BICDL1: variants seen among roughly 807,000 people sequenced by gnomAD.
BICDL1 encodes BICD family like cargo adaptor 1, also known as BICD family-like cargo adapter 1.
Under a neutral mutation model 76.8 loss-of-function variants are expected in BICDL1, and 20 were observed. That is an observed-to-expected ratio of 0.26 (90% CI 0.18 to 0.38). The LOEUF is 0.38. Ranked by LOEUF, BICDL1 falls within the 10% of genes least tolerant of loss-of-function variation. The pLI is 1.00. For missense variants in BICDL1, 700 were observed against 798.6 expected (o/e 0.88, Z 1.49); for synonymous variants, 383 against 337.1 (o/e 1.14, Z -1.49).
intron 9 of BICDL1, 182 bp from the exon 10 acceptor site, chr12:120,092,818 C>T (rs905109865): frequency 1.8e-4 from 182 of 985,306 alleles, no homozygotes; most frequent in Non-Finnish European, 2.1e-4. Flanking sequence ...CATACGGCTC[C>T]TGCGTGCGCC....
intron 1 of BICDL1, 113 bp downstream of exon 1, chr12:119,990,410 A>G: frequency 6.7e-7 from 1 of 1,494,788 alleles, no homozygotes; most frequent in Non-Finnish European, 8.9e-7. Flanking sequence ...CCTACCTCGC[A>G]GAAAATCTGG....
chr12:120,068,408 A>C (rs1249608885), intron 4 of BICDL1, among the ~76,000 whole-genome samples: 1 of 152,244 alleles, frequency 6.6e-6, no homozygotes, highest in Non-Finnish European at 1.5e-5. Flanking sequence ...GCTTCTGGGC[A>C]GATGTGGCAT....
At chr12:120,078,166 CTT>C (rs1329746822) in intron 7 of BICDL1, among the ~76,000 whole-genome samples, 1 of 152,186 alleles carries the variant, frequency 6.6e-6, no homozygotes, top group African/African-American at 2.4e-5. Flanking sequence ...CTGAAACCCT[CTT>C]GATTCCTTTC....
rs192716793 is a variant in BICDL1, at chr12:120,077,945, G to A, written c.1453-2942G>A. Reference sequence around the variant, plus strand: ...TGTGCAGTCTGGCTGCATTCCAGCCGCACAGCCTGCGTCCCTCTGGTTTCC... The same window carrying A: ...TGTGCAGTCTGGCTGCATTCCAGCCACACAGCCTGCGTCCCTCTGGTTTCC... On this transcript the variant is annotated intron_variant, in intron 7 of 9. Transcript: ENST00000548673. Among the ~76,000 whole-genome samples the A allele has an allele frequency of 2.9e-3, 445 of 152,216 alleles. 3 individuals are homozygous for A. The highest frequency in any genetic ancestry group is 9.9e-3 in the African/African-American group (410 of 41,510).
intron 4 of BICDL1, among the ~76,000 whole-genome samples, chr12:120,069,541 G>A (rs1189344030): frequency 6.6e-6 from 1 of 152,210 alleles, no homozygotes; most frequent in African/African-American, 2.4e-5. Flanking sequence ...TTTCACCTGT[G>A]ACTCAACTAC....
intron 8 of BICDL1, 137 bp from the exon 9 acceptor site, chr12:120,089,813 TA>T: frequency 9.8e-7 from 1 of 1,016,652 alleles, no homozygotes; most frequent in Non-Finnish European, 1.4e-6. Context: ...ACATCATAGT[TA>T]TTGTTGCAGC....
At chr12:120,070,078 T>C (rs1407434098) in intron 4 of BICDL1, among the ~76,000 whole-genome samples, 1 of 152,222 alleles carries the variant, frequency 6.6e-6, no homozygotes, top group African/African-American at 2.4e-5. Context: ...TTCCCATTTG[T>C]GGTTATTTGA....
In BICDL1 at chr12:120,080,914, G is replaced by T; in HGVS notation, c.1480G>T (p.Ala494Ser). ...GACACTGCTGAGTGTGGAGATGACT[G>T]CCCTAAAAGAGGAGAGAGACCGACT... The part of the protein sequence containing the change: ...QVTLLSVEMT[A>S]LKEERDRLRV... The change falls in exon 8 of 10, where the codon GCC (alanine) becomes TCC (serine). Residue 494 changes from alanine (A) to serine (S), a missense_variant. Physicochemically the swap from Ala to Ser is moderately conservative, Grantham distance 99. Transcript: ENST00000548673. 1 of 1,613,698 alleles carries T rather than the reference G, an allele frequency of 6.2e-7. No individual in the cohort carries two copies. Among genetic ancestry groups the T allele is most frequent in the African/African-American group, 1.3e-5 (1 of 74,962 alleles).
chr12:120,090,239 G>A (rs1874845172), intron 9 of BICDL1, 168 bp downstream of exon 9: 1 of 737,704 alleles, frequency 1.4e-6, no homozygotes, highest in East Asian at 2.9e-5. Context: ...CTAGTCCTTG[G>A]GGAAGAATGC....
At chr12:120,030,463 GA>G (rs2138758081) in intron 2 of BICDL1, among the ~76,000 whole-genome samples, 1 of 152,286 alleles carries the variant, frequency 6.6e-6, no homozygotes, top group East Asian at 1.9e-4. Context: ...GTAGGTTGAT[GA>G]AGATACCTCA....
chr12:120,013,022 G>A (rs73408796), intron 2 of BICDL1, among the ~76,000 whole-genome samples: 223 of 152,262 alleles, frequency 1.5e-3, no homozygotes, highest in African/African-American at 5.2e-3. Flanking sequence ...AAGTTATAAA[G>A]CCTGTGGGCC....
intron 2 of BICDL1, among the ~76,000 whole-genome samples, chr12:120,042,255 T>G (rs1297889801): frequency 3.3e-5 from 5 of 152,182 alleles, no homozygotes; most frequent in African/African-American, 1.2e-4. Context: ...AATAGTCCTC[T>G]GAGGTATATT....
At chr12:120,049,257 C>T (rs915298592) in intron 2 of BICDL1, among the ~76,000 whole-genome samples, 8 of 152,124 alleles carry the variant, frequency 5.3e-5, no homozygotes, top group African/African-American at 1.7e-4. Flanking sequence ...AGGGAAGAAG[C>T]ATGCCTAGGG....
intron 2 of BICDL1, among the ~76,000 whole-genome samples, chr12:120,044,882 C>T (rs1231416243): frequency 3.3e-5 from 5 of 152,216 alleles, no homozygotes; most frequent in South Asian, 2.1e-4. Flanking sequence ...ATTGACTTGG[C>T]GATGCGGGCT....
At chr12:120,044,648 A>G (rs1000033170) in intron 2 of BICDL1, among the ~76,000 whole-genome samples, 2 of 152,184 alleles carry the variant, frequency 1.3e-5, no homozygotes, top group Non-Finnish European at 2.9e-5. Context: ...TCCCAGCACC[A>G]TTTATTAAAT....
intron 3 of BICDL1, among the ~76,000 whole-genome samples, chr12:120,064,224 G>A (rs970529340): frequency 6.6e-6 from 1 of 152,150 alleles, no homozygotes; most frequent in Non-Finnish European, 1.5e-5. Context: ...GATCTGAGCT[G>A]TGACCTCTAG....
At position 120,047,981 on chromosome 12, in the gene BICDL1, A is replaced by T. The variant is rs965292859; in HGVS notation, c.646-13729A>T. Among the ~76,000 whole-genome samples the T allele has an allele frequency of 2.6e-5, 4 of 152,272 alleles. No individual in the cohort carries two copies. The East Asian group carries it at 7.7e-4, about 29-fold the overall frequency. ...ATATTTCCAAAATGGAAGGTCTTTT[A>T]AAAATAAAATAAAAAAAACAAGCAA... On this transcript the variant is annotated intron_variant, in intron 2 of 9. Transcript: ENST00000548673.
intron 2 of BICDL1, among the ~76,000 whole-genome samples, chr12:120,000,737 C>G (rs1951742650): frequency 6.6e-6 from 1 of 152,154 alleles, no homozygotes; most frequent in Non-Finnish European, 1.5e-5. Context: ...GCTCATGGAG[C>G]TTGGAATCTG....
intron 1 of BICDL1, among the ~76,000 whole-genome samples, 199 bp downstream of exon 1, chr12:119,990,496 A>G (rs1201754753): frequency 6.6e-6 from 1 of 152,244 alleles, no homozygotes; most frequent in East Asian, 1.9e-4. Context: ...CGCTCACAGC[A>G]AATGGGTCCA....
Sources: allele counts gnomAD v4.1 joint callset (sites outside exome capture counted in the v4.1 genomes callset), GRCh38; gene constraint gnomAD v4.1.1; transcripts MANE v1.5; gene names NCBI Gene and HGNC (gene_info 2026-07-23, HGNC 2026-07-21).